The following KIAA0825 variants were observed in gnomAD, a reference collection of about 807,000 sequenced individuals.
KIAA0825 encodes uncharacterized protein KIAA0825.
KIAA0825 carries 119 observed loss-of-function variants against 147.6 expected under a neutral mutation model. The observed-to-expected ratio is 0.81, with a 90% confidence interval of 0.69 to 0.94. The LOEUF is 0.94. Ranked by LOEUF, KIAA0825 falls within the 40% of genes least tolerant of loss-of-function variation. The pLI, the probability that KIAA0825 is intolerant of heterozygous loss-of-function variation, is 0.00. For missense variants in KIAA0825, 1,381 were observed against 1,472.7 expected (o/e 0.94, Z 1.02); for synonymous variants, 470 against 518.1 (o/e 0.91, Z 1.26).
At chr5:94,505,724 G>C (rs767948256) in intron 5 of KIAA0825, among the ~76,000 whole-genome samples, 2 of 152,124 alleles carry the variant, frequency 1.3e-5, no homozygotes, top group African/African-American at 2.4e-5. Context: ...TCAAATTAAT[G>C]ATAAAGATAC....
intron 1 of KIAA0825, among the ~76,000 whole-genome samples, chr5:94,602,054 A>G (rs1481284299): frequency 6.6e-6 from 1 of 152,222 alleles, no homozygotes; most frequent in African/African-American, 2.4e-5. Context: ...CCCTGCTAAG[A>G]TATTCCATGA....
intron 12 of KIAA0825, among the ~76,000 whole-genome samples, chr5:94,453,788 T>C (rs1272603407): frequency 6.6e-6 from 1 of 152,180 alleles, no homozygotes; most frequent in Non-Finnish European, 1.5e-5. Context: ...CCATGAGTAG[T>C]ATTTTTATGT....
chr5:94,607,578 T>C (rs1395897163), intron 1 of KIAA0825, among the ~76,000 whole-genome samples: 3 of 152,122 alleles, frequency 2.0e-5, no homozygotes, highest in Non-Finnish European at 4.4e-5. Flanking sequence ...CACTGCCTTC[T>C]ACCCTGGGTG....
intron 20 of KIAA0825, among the ~76,000 whole-genome samples, chr5:94,290,381 AGT>A (rs2150165642): frequency 6.6e-6 from 1 of 152,106 alleles, no homozygotes; most frequent in South Asian, 2.1e-4. Context: ...GAGAACATGC[AGT>A]GTTTGGTTTT....
intron 20 of KIAA0825, among the ~76,000 whole-genome samples, chr5:94,191,356 A>G (rs1343407553): frequency 6.6e-6 from 1 of 152,212 alleles, no homozygotes; most frequent in African/African-American, 2.4e-5. Context: ...GATTAGGGGC[A>G]GGACTAAGCA....
intron 14 of KIAA0825, among the ~76,000 whole-genome samples, chr5:94,433,153 G>A (rs192265144): frequency 6.6e-6 from 1 of 152,000 alleles, no homozygotes; most frequent in East Asian, 1.9e-4. Flanking sequence ...TCAGCCTCCC[G>A]AGTAGCTAGG....
At chr5:94,529,450 G>A (rs867885252) in intron 3 of KIAA0825, among the ~76,000 whole-genome samples, 81 of 90,228 alleles carry the variant, frequency 9.0e-4, no homozygotes, top group Admixed American at 3.3e-3. Flanking sequence ...ATGTATATAT[G>A]TAGTGTATAT....
intron 20 of KIAA0825, among the ~76,000 whole-genome samples, chr5:94,349,661 A>C (rs547220814): frequency 9.2e-5 from 14 of 152,338 alleles, no homozygotes; most frequent in African/African-American, 3.4e-4. Flanking sequence ...CACGGAAATT[A>C]AATAACCTGC....
At chr5:94,328,010 A>G (rs942721213) in intron 20 of KIAA0825, among the ~76,000 whole-genome samples, 1 of 152,162 alleles carries the variant, frequency 6.6e-6, no homozygotes, top group Non-Finnish European at 1.5e-5. Context: ...GTCTCAAAAA[A>G]AAAGAACTCA....
intron 20 of KIAA0825, among the ~76,000 whole-genome samples, chr5:94,265,707 A>G (rs770294925): frequency 6.6e-6 from 1 of 152,196 alleles, no homozygotes; most frequent in Non-Finnish European, 1.5e-5. Context: ...AGGCTGAGGC[A>G]GGAGAATTGC....
intron 20 of KIAA0825, among the ~76,000 whole-genome samples, chr5:94,182,035 A>G (rs1387280557): frequency 6.6e-6 from 1 of 151,898 alleles, no homozygotes; most frequent in African/African-American, 2.4e-5. Context: ...TAAACTCCTT[A>G]TCAACATATA....
chr5:94,596,989 T>C (rs992382215), intron 1 of KIAA0825, among the ~76,000 whole-genome samples: 1 of 152,168 alleles, frequency 6.6e-6, no homozygotes, highest in Admixed American at 6.5e-5. Context: ...TGAGACTATG[T>C]CGTTTTCTAC....
chr5:94,530,001 T>C (rs1770447632), intron 3 of KIAA0825, among the ~76,000 whole-genome samples: 1 of 152,094 alleles, frequency 6.6e-6, no homozygotes. Context: ...CTGGGCATGG[T>C]GGCTCACACC....
intron 1 of KIAA0825, among the ~76,000 whole-genome samples, chr5:94,600,907 C>A (rs1016848609): frequency 2.6e-5 from 4 of 152,174 alleles, no homozygotes; most frequent in Non-Finnish European, 5.9e-5. Flanking sequence ...CTCTAGCCCA[C>A]AGAGGTTTGA....
chr5:94,597,314 C>T (rs1196864212), intron 1 of KIAA0825, among the ~76,000 whole-genome samples: 2 of 151,818 alleles, frequency 1.3e-5, no homozygotes, highest in African/African-American at 2.4e-5. Flanking sequence ...AATCATAAAA[C>T]ATATGTTTTA....
intron 20 of KIAA0825, among the ~76,000 whole-genome samples, chr5:94,250,345 GT>G (rs1775885088): frequency 1.3e-5 from 2 of 152,166 alleles, no homozygotes; most frequent in African/African-American, 4.8e-5. Flanking sequence ...AGAAAATATG[GT>G]AAATGTTTTT....
At chr5:94,433,832 C>T (rs1756004440) in intron 14 of KIAA0825, among the ~76,000 whole-genome samples, 2 of 152,212 alleles carry the variant, frequency 1.3e-5, no homozygotes, top group Admixed American at 6.5e-5. Flanking sequence ...AGAAGTTTTA[C>T]TGGCAATTAT....
At chr5:94,608,491 AAT>A (rs1491423718) in intron 1 of KIAA0825, among the ~76,000 whole-genome samples, 12 of 12,136 alleles carry the variant, frequency 9.9e-4, no homozygotes, top group African/African-American at 4.1e-3. Flanking sequence ...ATATATATAT[AAT>A]TATATATATA....
At chr5:94,601,190 C>G (rs1786368245) in intron 1 of KIAA0825, among the ~76,000 whole-genome samples, 1 of 152,124 alleles carries the variant, frequency 6.6e-6, no homozygotes, top group Admixed American at 6.6e-5. Context: ...AGGTCTGTAC[C>G]CCTTGGGACA....
Sources: gnomAD v4.1 joint callset for allele counts (sites outside exome capture counted in the v4.1 genomes callset) on GRCh38, gnomAD v4.1.1 for gene constraint, MANE v1.5 for transcripts, NCBI Gene and HGNC (gene_info 2026-07-23, HGNC 2026-07-21) for gene names.